The following FSIP2 variants were observed in gnomAD, a reference collection of about 807,000 sequenced individuals.
FSIP2 encodes the protein fibrous sheath-interacting protein 2.
In FSIP2, 367 loss-of-function variants were observed where a neutral mutation model predicts 510.5. The observed-to-expected ratio is 0.72, with a 90% CI of 0.66 to 0.78. FSIP2 has a LOEUF of 0.78. Ranked by LOEUF, FSIP2 falls within the 30% of genes least tolerant of loss-of-function variation. FSIP2 has a pLI of 0.00. For missense variants in FSIP2, 7,594 were observed against 7,901.7 expected (o/e 0.96, Z 1.48); for synonymous variants, 2,601 against 2,732.2 (o/e 0.95, Z 1.50).
chr2:185,780,328 A>C (rs955967774), intron 13 of FSIP2, among the ~76,000 whole-genome samples: 1 of 151,862 alleles, frequency 6.6e-6, no homozygotes, highest in African/African-American at 2.4e-5. Flanking sequence ...TCCTTTAACA[A>C]CTTTATTTTC....
In FSIP2 at chr2:185,803,246, T is replaced by A. The variant is rs969869906; in HGVS notation, c.13940T>A (p.Ile4647Lys). Residue 4647 changes from isoleucine to lysine, a missense_variant, in exon 17 of 23, where the codon ATA becomes AAA. Coordinates refer to ENST00000424728, the MANE Select transcript of FSIP2 (RefSeq NM_173651.4). ...RVVGIVQTKSIRDSEDELFEK... is the reference protein window; with the variant it reads ...RVVGIVQTKSKRDSEDELFEK... ...GTAGGCATTGTACAAACAAAATCCATAAGAGATTCAGAAGATGAACTGTTT... is the reference window on the plus strand; with the variant it reads ...GTAGGCATTGTACAAACAAAATCCAAAAGAGATTCAGAAGATGAACTGTTT... 5.2e-6 allele frequency: 8 copies of A among 1,526,478 alleles called. No individual in the cohort carries two copies. The African/African-American group carries it at 8.3e-5, about 16-fold the overall frequency. 94.6% of individuals were successfully genotyped at this position (1,526,478 alleles called of 1,614,324 possible).
At chr2:185,760,792 T>C (rs1479388346) in intron 9 of FSIP2, among the ~76,000 whole-genome samples, 196 bp from the exon 10 acceptor site, 8 of 150,656 alleles carry the variant, frequency 5.3e-5, no homozygotes, top group Non-Finnish European at 1.2e-4. Context: ...GATGGATAAA[T>C]CACAAAGTTG....
rs1207744017 is a variant in FSIP2, at chr2:185,760,997, C to T, written c.1088C>T (p.Ala363Val). The change falls in exon 10 of 23, where the codon GCA (alanine) becomes GTA (valine). Residue 363 changes from alanine (A) to valine (V), a missense_variant. By Grantham distance (64) the Ala-to-Val change is moderately conservative (BLOSUM62 0). Transcript: ENST00000424728. Reference sequence around the variant, plus strand: ...TCTCGTTTTCTTTTAGGACATACAGCAAATGCTGCTCATCAGCGTCAAAAT... The same window carrying T: ...TCTCGTTTTCTTTTAGGACATACAGTAAATGCTGCTCATCAGCGTCAAAAT... The part of the protein sequence containing the change: ...NTYKETHGHT[A>V]NAAHQRQNSS... 5 of 1,437,962 alleles carry T rather than the reference C, an allele frequency of 3.5e-6. No homozygotes were observed. In the South Asian group the frequency reaches 5.3e-5, roughly 15 times the overall value. The allele number at this position is 1,437,962 out of a possible 1,614,324, so 89.1% of individuals were successfully genotyped here. A position where few individuals can be genotyped will look rare whatever the true frequency, so the allele number is the denominator to read the frequency against.
chr2:185,742,660 T>A (rs1691946782), intron 2 of FSIP2, among the ~76,000 whole-genome samples: 1 of 152,366 alleles, frequency 6.6e-6, no homozygotes, highest in Admixed American at 6.5e-5. Flanking sequence ...TTGTTAAAGT[T>A]ATTTTCATAA....
Position 185,796,733 on chromosome 2 carries a change from G to A in FSIP2, c.9597G>A (p.Lys3199=), listed in dbSNP as rs1693290500. 5 of 1,534,968 alleles carry A rather than the reference G, an allele frequency of 3.3e-6. No individual in the cohort carries two copies. ...VFCSDEDMKE[K]YRVSSDLPTS... ...GTTCAGATGAAGATATGAAAGAAAAGTACAGGGTTTCATCAGATTTACCCA... is the reference window on the plus strand; with the variant it reads ...GTTCAGATGAAGATATGAAAGAAAAATACAGGGTTTCATCAGATTTACCCA... The change falls in exon 16 of 23, where the codon AAG becomes AAA. Residue 3199 remains lysine, a synonymous_variant. Transcript: ENST00000424728.
Position 185,806,463 on chromosome 2 carries a change from A to G in FSIP2, c.17157A>G (p.Gln5719=). ...PPGDNVLNVI[Q]EISRDSAQSV... Reference sequence around the variant, plus strand: ...GTGATAATGTATTAAATGTAATTCAAGAGATTAGCAGGGATTCGGCACAGT... The same window carrying G: ...GTGATAATGTATTAAATGTAATTCAGGAGATTAGCAGGGATTCGGCACAGT... Residue 5719 remains glutamine, a synonymous_variant, in exon 17 of 23, where the codon CAA becomes CAG. Transcript: ENST00000424728. The G allele has an allele frequency of 6.2e-7, 1 of 1,611,414 alleles. No individual in the cohort carries two copies.
At chr2:185,742,069 T>C (rs1287241312) in intron 2 of FSIP2, among the ~76,000 whole-genome samples, 2 of 152,200 alleles carry the variant, frequency 1.3e-5, no homozygotes, top group African/African-American at 2.4e-5. Flanking sequence ...TTTCCCATAT[T>C]ACCTACATAC....
rs1233389271 is a variant in FSIP2, at chr2:185,789,854, G to A, written c.2718G>A (p.Glu906=). The A allele has an allele frequency of 6.5e-7, 1 of 1,531,020 alleles. No homozygotes were observed. The highest frequency in any genetic ancestry group is 1.2e-5 in the South Asian group (1 of 83,862). 94.8% of individuals were successfully genotyped at this position (1,531,020 alleles called of 1,614,324 possible). A position where few individuals can be genotyped will look rare whatever the true frequency, so the allele number is the denominator to read the frequency against. Reference sequence around the variant, plus strand: ...AGTCTTCTTTGGTTGCTTATATAGAGGAAGCAATCAATGCTATACTAGGTT... The same window carrying A: ...AGTCTTCTTTGGTTGCTTATATAGAAGAAGCAATCAATGCTATACTAGGTT... ...FSQSSLVAYI[E]EAINAILGYI... The change falls in exon 16 of 23, where the codon GAG becomes GAA. Residue 906 remains glutamate, a synonymous_variant. Coordinates refer to ENST00000424728, the MANE Select transcript of FSIP2 (RefSeq NM_173651.4).
intron 19 of FSIP2, among the ~76,000 whole-genome samples, chr2:185,815,691 A>C (rs1693812865): frequency 6.6e-6 from 1 of 152,016 alleles, no homozygotes; most frequent in Non-Finnish European, 1.5e-5. Context: ...CTAGTTTTCA[A>C]ACCAGTTTCT....
At position 185,790,196 on chromosome 2, in the gene FSIP2, C is replaced by G. The variant is rs377152215; in HGVS notation, c.3060C>G (p.Phe1020Leu). 1 of 1,530,410 alleles carries G rather than the reference C, an allele frequency of 6.5e-7. No individual in the cohort carries two copies. Among genetic ancestry groups the G allele is most frequent in the East Asian group, 2.4e-5 (1 of 40,830 alleles). 94.8% of individuals were successfully genotyped at this position (1,530,410 alleles called of 1,614,324 possible). The stretch of plus-strand genomic sequence containing the variant: ...TAAAAAATGTGCTTGATTCAACTTT[C>G]AAAGATGAAAAAGTAAAATCACAAG... Reference protein sequence around the residue: ...NIVKNVLDSTFKDEKVKSQEQ... With the variant: ...NIVKNVLDSTLKDEKVKSQEQ... The change falls in exon 16 of 23, where the codon TTC becomes TTG. Residue 1020 changes from phenylalanine to leucine, a missense_variant. Phe to Leu is a conservative substitution (Grantham distance 22). Coordinates refer to ENST00000424728, the MANE Select transcript of FSIP2 (RefSeq NM_173651.4).
intron 13 of FSIP2, among the ~76,000 whole-genome samples, chr2:185,767,675 CTGTG>C (rs1335120381): frequency 2.6e-5 from 4 of 152,076 alleles, no homozygotes; most frequent in Admixed American, 6.6e-5. Context: ...GTCTGTCTGT[CTGTG>C]TATCTGTGTT....
At chr2:185,757,662 A>T (rs964034421) in intron 9 of FSIP2, among the ~76,000 whole-genome samples, 14 of 119,368 alleles carry the variant, frequency 1.2e-4, no homozygotes, top group Admixed American at 1.1e-3. Context: ...CTATACTCTT[A>T]TGAGAAATTT....
chr2:185,743,239 G>A lies in FSIP2; in HGVS notation c.332G>A (p.Arg111His), dbSNP rs1205985490. 34 of 1,519,284 alleles carry A rather than the reference G, an allele frequency of 2.2e-5. No individual in the cohort carries two copies. Among genetic ancestry groups the A allele is most frequent in the African/African-American group, 2.8e-5 (2 of 71,788 alleles). 94.1% of individuals were successfully genotyped at this position (1,519,284 alleles called of 1,614,324 possible). Residue 111 changes from arginine (R) to histidine (H), a missense_variant, in exon 3 of 23, where the codon CGC (arginine) becomes CAC (histidine). Arg to His is a conservative substitution (Grantham distance 29, BLOSUM62 0). Coordinates refer to ENST00000424728, the MANE Select transcript of FSIP2 (RefSeq NM_173651.4). ...HDPHLKAYYK[R>H]KDILKRLKKG... is the part of the protein sequence containing the mutation. Reference sequence around the variant, plus strand: ...CCACATTTAAAAGCATACTATAAGCGCAAAGATATTTTGAAGAGATTAAAG... The same window carrying A: ...CCACATTTAAAAGCATACTATAAGCACAAAGATATTTTGAAGAGATTAAAG...
At chr2:185,810,750 G>A (rs1330436884) in intron 17 of FSIP2, among the ~76,000 whole-genome samples, 1 of 151,884 alleles carries the variant, frequency 6.6e-6, no homozygotes, top group Non-Finnish European at 1.5e-5. Context: ...GAGGCTAGAA[G>A]AGTTTAGAAG....
At chr2:185,824,339 CTTT>C (rs1479073309) in intron 19 of FSIP2, 92 bp from the exon 20 acceptor site, 5 of 804,002 alleles carry the variant, frequency 6.2e-6, no homozygotes, top group Non-Finnish European at 1.0e-5. Flanking sequence ...TTTCAGGTTT[CTTT>C]CCATATGGAG....
rs748236082 is a variant in FSIP2, at chr2:185,805,925, C to T, written c.16619C>T (p.Thr5540Ile). The T allele has an allele frequency of 6.9e-6, 11 of 1,594,696 alleles. No homozygotes were observed. The highest frequency in any genetic ancestry group is 1.2e-5 in the South Asian group (1 of 86,624). Residue 5540 changes from threonine to isoleucine, a missense_variant, in exon 17 of 23, where the codon ACT (threonine) becomes ATT (isoleucine). Transcript: ENST00000424728. ...CATAGTGAGAATGTATCAAAAGTTA[C>T]TTCAACTACCACTGTGAAAAGTAAA... is the stretch of plus-strand genomic sequence containing the variant. The part of the protein sequence containing the change: ...QKHSENVSKV[T>I]STTTVKSKDT...
chr2:185,790,986 A>G lies in FSIP2; in HGVS notation c.3850A>G (p.Lys1284Glu), dbSNP rs1046258364. The change falls in exon 16 of 23, where the codon AAA becomes GAA. Residue 1284 changes from lysine (K) to glutamate (E), a missense_variant. Transcript: ENST00000424728. ...FICPKLHMGF[K>E]SSLRSQLSKY... ...TTGTCCAAAATTGCATATGGGCTTC[A>G]AATCTTCATTACGATCTCAACTTAG... is the stretch of plus-strand genomic sequence containing the variant. 1.3e-6 allele frequency: 2 copies of G among 1,528,456 alleles called. No individual in the cohort carries two copies. The highest frequency in any genetic ancestry group is 2.8e-5 in the African/African-American group (2 of 72,530). The allele number at this position is 1,528,456 out of a possible 1,614,324, so 94.7% of individuals were successfully genotyped here.
At chr2:185,768,710 C>A (rs921811317) in intron 13 of FSIP2, among the ~76,000 whole-genome samples, 1 of 151,912 alleles carries the variant, frequency 6.6e-6, no homozygotes. Context: ...GTTTGTTGTA[C>A]AGATTATTTC....
intron 13 of FSIP2, among the ~76,000 whole-genome samples, chr2:185,777,401 T>G (rs1692750273): frequency 6.6e-6 from 1 of 151,014 alleles, no homozygotes; most frequent in Admixed American, 6.6e-5. Flanking sequence ...TAGTTTTTTT[T>G]TTTTTTTTTT....
Sources: allele counts gnomAD v4.1 joint callset (sites outside exome capture counted in the v4.1 genomes callset), GRCh38; gene constraint gnomAD v4.1.1; transcripts MANE v1.5; gene names NCBI Gene and HGNC (gene_info 2026-07-23, HGNC 2026-07-21).